CSTL1: variants seen among roughly 807,000 people sequenced by gnomAD.
CSTL1 encodes cystatin-like 1.
In CSTL1, 14 loss-of-function variants were observed where a neutral mutation model predicts 14.4. The ratio of observed to expected loss-of-function variants is 0.97; its 90% CI spans 0.64 to 1.52. The LOEUF (loss-of-function observed/expected upper bound fraction) is 1.52. CSTL1 is among the 40% of genes most tolerant of loss of function. The probability of loss-of-function intolerance (pLI) is 0.00; values close to 1 mark genes in which losing one functional copy is unlikely to be tolerated. For missense variants in CSTL1, 170 were observed against 168.7 expected (o/e 1.01, Z -0.04); for synonymous variants, 72 against 67.5 (o/e 1.07, Z -0.33).
chr20:23,440,345 A>G lies in CSTL1; in HGVS notation c.78A>G (p.Gln26=), dbSNP rs1233513239. 4 of 1,614,158 alleles carry G rather than the reference A, an allele frequency of 2.5e-6. No individual in the cohort carries two copies. Among genetic ancestry groups the G allele is most frequent in the Non-Finnish European group, 3.4e-6 (4 of 1,180,006 alleles). Residue 26 remains glutamine, a synonymous_variant, in exon 2 of 4, where the codon CAA becomes CAG. Coordinates refer to ENST00000347397, the MANE Select transcript of CSTL1 (RefSeq NM_138283.1). Reference sequence around the variant, plus strand: ...TGTCAGCCAAGCTGGGTCACTTCCAAAGGTGGGAGGGCTTCCAGCAGAAGC... The same window carrying G: ...TGTCAGCCAAGCTGGGTCACTTCCAGAGGTGGGAGGGCTTCCAGCAGAAGC... ...LVLSAKLGHF[Q]RWEGFQQKLM...
chr20:23,447,842 T>G (rs892918760), downstream of CSTL1, among the ~76,000 whole-genome samples: 3 of 152,264 alleles, frequency 2.0e-5, no homozygotes, highest in African/African-American at 7.2e-5. Flanking sequence ...TAGCTATTTT[T>G]TGCTCAAGAC....
At chr20:23,451,289 G>A in the CSTL1 span, among the ~76,000 whole-genome samples, 13 of 135,220 alleles carry the variant, frequency 9.6e-5, no homozygotes, top group Middle Eastern at 3.8e-3. Flanking sequence ...AGCTGCCTTC[G>A]GGGGTGGTGG....
downstream of CSTL1, chr20:23,445,060 C>A: frequency 1.6e-6 from 1 of 641,234 alleles, no homozygotes; most frequent in Admixed American, 2.2e-5. Context: ...ACGACACCCT[C>A]ACACTCTCAC....
At chr20:23,461,069 A>C in the CSTL1 span, among the ~76,000 whole-genome samples, 21,441 of 152,132 alleles carry the variant, frequency 0.14, 2,406 homozygotes, top group African/African-American at 0.29. Flanking sequence ...GCCACAGCCA[A>C]CCCAACCTTC....
chr20:23,443,951 G>T lies in CSTL1; in HGVS notation c.237G>T (p.Glu79Asp), dbSNP rs748577800. The change falls in exon 3 of 4, where the codon GAG becomes GAT. Residue 79 changes from glutamate (E) to aspartate (D), a missense_variant. Glu to Asp is a conservative substitution (Grantham distance 45). Transcript: ENST00000347397. ...CTCGGCAGCTGACGACGGGAGTGGA[G>T]TATATAGTCACTGTGAAGATTGGCT... Reference protein sequence around the residue: ...RSQMQLTTGVEYIVTVKIGWT... With the variant: ...RSQMQLTTGVDYIVTVKIGWT... The T allele has an allele frequency of 6.2e-7, 1 of 1,613,948 alleles. No individual in the cohort carries two copies. Among genetic ancestry groups the T allele is most frequent in the South Asian group, 1.1e-5 (1 of 91,082 alleles).
Position 23,443,977 on chromosome 20 carries a change from G to C in CSTL1, c.263G>C (p.Trp88Ser). The change falls in exon 3 of 4, where the codon TGG becomes TCG. Residue 88 changes from tryptophan to serine, a missense_variant. By Grantham distance (177) the Trp-to-Ser change is radical (BLOSUM62 -3). Transcript: ENST00000347397. ...TATATAGTCACTGTGAAGATTGGCT[G>C]GACCAAATGCAAGAGGAATGACACG... ...VEYIVTVKIGWTKCKRNDTSN... is the reference protein window; with the variant it reads ...VEYIVTVKIGSTKCKRNDTSN... 2 of 1,614,018 alleles carry C rather than the reference G, an allele frequency of 1.2e-6. No individual in the cohort carries two copies. Among genetic ancestry groups the C allele is most frequent in the Admixed American group, 1.7e-5 (1 of 60,026 alleles).
chr20:23,439,924 C>T (rs916547879), intron 1 of CSTL1, 118 bp downstream of exon 1: 2 of 316,816 alleles, frequency 6.3e-6, no homozygotes, highest in Non-Finnish European at 1.2e-5. Context: ...CTATCTACAA[C>T]CCCAGCTCTT....
chr20:23,454,031 G>A, the CSTL1 span, among the ~76,000 whole-genome samples: 61 of 149,056 alleles, frequency 4.1e-4, no homozygotes, highest in African/African-American at 1.4e-3. Flanking sequence ...CACATTCACA[G>A]TGAAAAACAC....
chr20:23,458,503 A>T, the CSTL1 span: 1 of 152,100 alleles, frequency 6.6e-6, no homozygotes, highest in Non-Finnish European at 1.5e-5. Context: ...TTGCATGCTG[A>T]TTCTCGCTTG....
intron 3 of CSTL1, 54 bp downstream of exon 3, chr20:23,444,098 C>A: frequency 6.6e-7 from 1 of 1,520,632 alleles, no homozygotes; most frequent in Non-Finnish European, 9.1e-7. Context: ...TTTTAAAAAG[C>A]AACAGCTAGA....
In CSTL1 at chr20:23,440,154, C is replaced by G; in HGVS notation, c.-114C>G. 9.7e-7 allele frequency: 1 copy of G among 1,029,376 alleles called. No individual in the cohort carries two copies. Among genetic ancestry groups the G allele is most frequent in the Middle Eastern group, 3.2e-4 (1 of 3,158 alleles). The allele number at this position is 1,029,376 out of a possible 1,614,324, so 63.8% of individuals were successfully genotyped here. Reference sequence around the variant, plus strand: ...TCTGTTTAAATGCAGGCAGGCCATCCCCCAGGAAAGCCTATGTTGGTGAGG... The same window carrying G: ...TCTGTTTAAATGCAGGCAGGCCATCGCCCAGGAAAGCCTATGTTGGTGAGG... On this transcript the variant is annotated 5_prime_UTR_variant, in exon 2 of 4. Transcript: ENST00000347397.
chr20:23,443,934 C>A lies in CSTL1; in HGVS notation c.220C>A (p.Leu74Met), dbSNP rs1394959931. 1 of 1,612,146 alleles carries A rather than the reference C, an allele frequency of 6.2e-7. No individual in the cohort carries two copies. Among genetic ancestry groups the A allele is most frequent in the South Asian group, 1.1e-5 (1 of 91,018 alleles). The change falls in exon 3 of 4, where the codon CTG becomes ATG. Residue 74 changes from leucine to methionine, a missense_variant and splice_region_variant. Physicochemically the swap from Leu to Met is conservative, Grantham distance 15. Transcript: ENST00000347397. ...VQRLIRSQMQ[L>M]TTGVEYIVTV... ...TAACAGCACAACTGATTCTCGGCAG[C>A]TGACGACGGGAGTGGAGTATATAGT...
At chr20:23,448,297 T>C (rs952702282), downstream of CSTL1, among the ~76,000 whole-genome samples, 1 of 114,732 alleles carries the variant, frequency 8.7e-6, no homozygotes, top group Admixed American at 7.6e-5. Flanking sequence ...CTTGCTTTCA[T>C]AACTAGCAAA....
chr20:23,446,058 G>A (rs1192491068), downstream of CSTL1, among the ~76,000 whole-genome samples: 1 of 152,166 alleles, frequency 6.6e-6, no homozygotes, highest in African/African-American at 2.4e-5. Context: ...GGTAGTCTCT[G>A]CCTGGCACGT....
intron 2 of CSTL1, 87 bp from the exon 3 acceptor site, chr20:23,443,847 C>G: frequency 1.1e-6 from 1 of 926,262 alleles, no homozygotes; most frequent in South Asian, 1.5e-5. Context: ...GCCCTGGGAG[C>G]TTTACTCTCA....
downstream of CSTL1, among the ~76,000 whole-genome samples, chr20:23,449,700 G>A (rs1987034871): frequency 6.6e-6 from 1 of 152,128 alleles, no homozygotes; most frequent in African/African-American, 2.4e-5. Context: ...TGGAAAGAAA[G>A]CCCCTTGAAC....
intron 2 of CSTL1, 41 bp from the exon 3 acceptor site, chr20:23,443,893 T>G (rs1240027297): frequency 1.4e-6 from 2 of 1,464,158 alleles, no homozygotes; most frequent in Non-Finnish European, 1.9e-6. Flanking sequence ...AGCCACTGGA[T>G]GCTTGGAGTC....
chr20:23,460,602 A>T, the CSTL1 span, among the ~76,000 whole-genome samples: 3 of 152,008 alleles, frequency 2.0e-5, no homozygotes, highest in African/African-American at 7.3e-5. Context: ...CCTGGGAGAC[A>T]GGTGCCTTTC....
chr20:23,449,249 C>G (rs942303512), downstream of CSTL1, among the ~76,000 whole-genome samples: 1 of 152,116 alleles, frequency 6.6e-6, no homozygotes, highest in African/African-American at 2.4e-5. Context: ...CCGTCTCTGC[C>G]GCTTACTCTG....
Sources: gnomAD v4.1 joint callset for allele counts (sites outside exome capture counted in the v4.1 genomes callset) on GRCh38, gnomAD v4.1.1 for gene constraint, MANE v1.5 for transcripts, NCBI Gene and HGNC (gene_info 2026-07-23, HGNC 2026-07-21) for gene names.